The following CD86 variants were observed in gnomAD, a reference collection of about 807,000 sequenced individuals.
CD86 encodes CD86 molecule.
In CD86, 11 loss-of-function variants were observed where a neutral mutation model predicts 32.1. That is an observed-to-expected ratio of 0.34 (90% CI 0.22 to 0.57). The LOEUF is 0.57. Among genes scored for constraint, CD86 ranks in the 20% least tolerant of loss-of-function variants. CD86 has a pLI of 0.86. For missense variants in CD86, 359 were observed against 398.4 expected (o/e 0.90, Z 0.84); for synonymous variants, 137 against 135.3 (o/e 1.01, Z -0.09).
intron 1 of CD86, among the ~76,000 whole-genome samples, chr3:122,083,638 A>T (rs1361054883): frequency 4.6e-5 from 7 of 152,150 alleles, no homozygotes. Flanking sequence ...TCTGTTCCTC[A>T]TGCCATCAAT....
intron 5 of CD86, among the ~76,000 whole-genome samples, chr3:122,111,853 C>T (rs57026482): frequency 0.029 from 4,370 of 152,216 alleles, 212 homozygotes; most frequent in African/African-American, 0.1. Context: ...AGGAGACGGT[C>T]CTCAAACTAA....
intron 1 of CD86, among the ~76,000 whole-genome samples, chr3:122,072,911 G>T (rs954188971): frequency 2.6e-5 from 4 of 151,806 alleles, no homozygotes; most frequent in African/African-American, 9.7e-5. Flanking sequence ...TTTTGTATAA[G>T]GTGTAAGGAA....
intron 1 of CD86, among the ~76,000 whole-genome samples, chr3:122,062,102 A>T (rs1025530252): frequency 3.4e-4 from 51 of 151,186 alleles, no homozygotes; most frequent in African/African-American, 1.2e-3. Flanking sequence ...AAAAAAAAAC[A>T]AAAACTAAAA....
intron 1 of CD86, among the ~76,000 whole-genome samples, chr3:122,063,039 G>A (rs757327921): frequency 4.6e-5 from 7 of 152,106 alleles, no homozygotes; most frequent in Non-Finnish European, 8.8e-5. Context: ...CAACAAAGCT[G>A]CCTAAAATAA....
At chr3:122,091,545 T>A in intron 1 of CD86, 56 bp from the exon 2 acceptor site, 1 of 1,389,388 alleles carries the variant, frequency 7.2e-7, no homozygotes, top group South Asian at 1.2e-5. Flanking sequence ...TTGGTGAACA[T>A]CGGTTTTCAG....
intron 4 of CD86, 146 bp downstream of exon 4, chr3:122,106,646 C>A: frequency 1.5e-6 from 1 of 685,690 alleles, no homozygotes; most frequent in East Asian, 2.6e-5. Flanking sequence ...TGGAGGTCTC[C>A]TGCTTCTCCT....
intron 3 of CD86, 29 bp from the exon 4 acceptor site, chr3:122,106,169 A>G (rs542056482): frequency 1.3e-6 from 2 of 1,507,092 alleles, no homozygotes; most frequent in Admixed American, 2.0e-5. Flanking sequence ...ACTTAGATTG[A>G]TTTTTTTTTA....
At chr3:122,061,992 CTGAAGGAAGCTGGG>C (rs1217850377) in intron 1 of CD86, among the ~76,000 whole-genome samples, 1 of 151,746 alleles carries the variant, frequency 6.6e-6, no homozygotes, top group Non-Finnish European at 1.5e-5. Context: ...GATGTTACCA[CTGAAGGAAGCTGGG>C]TGAAGGTACA....
At chr3:122,069,780 G>A (rs2072464896) in intron 1 of CD86, among the ~76,000 whole-genome samples, 2 of 152,044 alleles carry the variant, frequency 1.3e-5, no homozygotes, top group Admixed American at 1.3e-4. Flanking sequence ...ACTCCACTCT[G>A]CCCTGTCTCC....
At chr3:122,059,069 TC>T (rs1177836543) in intron 1 of CD86, among the ~76,000 whole-genome samples, 1 of 152,086 alleles carries the variant, frequency 6.6e-6, no homozygotes, top group Non-Finnish European at 1.5e-5. Flanking sequence ...GATGGTGAAT[TC>T]CTTCTCTAAC....
intron 1 of CD86, among the ~76,000 whole-genome samples, chr3:122,088,387 G>A (rs897590942): frequency 7.9e-5 from 12 of 151,976 alleles, no homozygotes; most frequent in African/African-American, 2.9e-4. Context: ...TTGATTTATA[G>A]AAGCTCTTTT....
intron 1 of CD86, 113 bp downstream of exon 1, chr3:122,055,616 G>A (rs1441964119): frequency 2.1e-6 from 2 of 971,816 alleles, no homozygotes; most frequent in Non-Finnish European, 3.2e-6. Context: ...CCTAAGTGGA[G>A]AAGCTTTCTT....
At chr3:122,098,644 G>A (rs1448871629) in intron 2 of CD86, among the ~76,000 whole-genome samples, 1 of 152,138 alleles carries the variant, frequency 6.6e-6, no homozygotes, top group East Asian at 1.9e-4. Flanking sequence ...GATCATTTTG[G>A]CTTGAGAAAC....
At chr3:122,062,533 TAA>T (rs954757819) in intron 1 of CD86, among the ~76,000 whole-genome samples, 15 of 152,320 alleles carry the variant, frequency 9.8e-5, no homozygotes, top group African/African-American at 3.6e-4. Flanking sequence ...TGATTTTTTA[TAA>T]GAGTTTTTTA....
At chr3:122,103,876 T>A in intron 3 of CD86, 29 bp downstream of exon 3, 1 of 1,554,636 alleles carries the variant, frequency 6.4e-7, no homozygotes, top group South Asian at 1.2e-5. Flanking sequence ...GTGTTCAGAT[T>A]CTTAGCCTTC....
intron 1 of CD86, among the ~76,000 whole-genome samples, chr3:122,071,699 T>C (rs1028744451): frequency 1.3e-5 from 2 of 151,902 alleles, no homozygotes; most frequent in Non-Finnish European, 2.9e-5. Context: ...TATCCCAAAG[T>C]AGTTTTACCA....
intron 4 of CD86, among the ~76,000 whole-genome samples, chr3:122,108,295 C>T (rs1250908348): frequency 1.3e-5 from 2 of 152,204 alleles, no homozygotes; most frequent in African/African-American, 4.8e-5. Flanking sequence ...GCCTTTTTTG[C>T]ATGTTAAAAG....
chr3:122,056,320 C>A (rs948139686), intron 1 of CD86, among the ~76,000 whole-genome samples: 3 of 152,196 alleles, frequency 2.0e-5, no homozygotes, highest in African/African-American at 7.2e-5. Context: ...GCGCCAGTCA[C>A]TATGTATTTA....
intron 1 of CD86, among the ~76,000 whole-genome samples, chr3:122,086,891 T>A (rs2072731203): frequency 7.5e-6 from 1 of 133,184 alleles, no homozygotes; most frequent in Non-Finnish European, 1.6e-5. Context: ...CAAAAACTGG[T>A]TGGCATTTTT....
Sources: allele counts gnomAD v4.1 joint callset (sites outside exome capture counted in the v4.1 genomes callset), GRCh38; gene constraint gnomAD v4.1.1; transcripts MANE v1.5; gene names NCBI Gene and HGNC (gene_info 2026-07-23, HGNC 2026-07-21).